The following SDR42E2 variants were observed in gnomAD, a reference collection of about 807,000 sequenced individuals.
SDR42E2 encodes the protein putative short-chain dehydrogenase/reductase family 42E member 2.
A neutral mutation model predicts 10.5 loss-of-function variants in SDR42E2; 20 were observed. The observed-to-expected ratio is 1.90, with a 90% CI of 1.34 to 2.77. The LOEUF (loss-of-function observed/expected upper bound fraction) is 2.77, where lower values mean the gene tolerates loss of function less well. Among genes scored for constraint, SDR42E2 ranks in the 30% most tolerant of loss-of-function variants. The pLI is 0.00. For synonymous variants in SDR42E2, 72 were observed against 39.2 expected, an observed-to-expected ratio of 1.84 and a Z score of -3.12; for missense variants, 162 against 104.2, an observed-to-expected ratio of 1.55 and a Z score of -2.42.
At chr16:22,163,120 C>G (rs531511249) in intron 1 of SDR42E2, among the ~76,000 whole-genome samples, 2 of 152,122 alleles carry the variant, frequency 1.3e-5, no homozygotes, top group Non-Finnish European at 2.9e-5. Context: ...GCCAGAGCAG[C>G]CAGAAATATT....
In SDR42E2 at chr16:22,190,567, C is replaced by T. The variant is rs2142086505; in HGVS notation, c.*174C>T. 1 of 397,714 alleles carries T rather than the reference C, an allele frequency of 2.5e-6. No individual in the cohort carries two copies. Among genetic ancestry groups the T allele is most frequent in the Non-Finnish European group, 4.4e-6 (1 of 225,708 alleles). 24.6% of individuals were successfully genotyped at this position (397,714 alleles called of 1,614,324 possible). On this transcript the variant is annotated 3_prime_UTR_variant, in exon 13 of 13. Transcript: ENST00000602312. ...GCTCTCCAGACCTAGCCCGGACCGC[C>T]GACTTCTGGCCACGCCCCTATCTAC... is the stretch of plus-strand genomic sequence containing the variant.
chr16:22,189,152 G>A (rs1289107896), intron 12 of SDR42E2, among the ~76,000 whole-genome samples: 3 of 152,154 alleles, frequency 2.0e-5, no homozygotes, highest in Non-Finnish European at 4.4e-5. Context: ...AGGAAAAAAA[G>A]GGACAAATAC....
rs999560275 is a variant in SDR42E2 at position 22,170,923 on chromosome 16, A to G, written c.485A>G (p.Asp162Gly). 1.9e-5 allele frequency: 13 copies of G among 702,642 alleles called. No homozygotes were observed. The highest frequency in any genetic ancestry group is 4.0e-5 in the Admixed American group (2 of 49,974). 43.5% of individuals were successfully genotyped at this position (702,642 alleles called of 1,614,324 possible). A position where few individuals can be genotyped will look rare whatever the true frequency, so the allele number is the denominator to read the frequency against. Residue 162 changes from aspartate to glycine, a missense_variant, in exon 6 of 13, where the codon GAC (aspartate) becomes GGC (glycine). Coordinates refer to ENST00000602312, the MANE Select transcript of SDR42E2 (RefSeq NM_001394319.2). ...GGKPIEQGDE[D>G]SVPYFPLDEH... ...AAGCCCATAGAGCAGGGCGATGAGGACTCTGTGCCATATTTCCCATTGGAC... is the reference window on the plus strand; with the variant it reads ...AAGCCCATAGAGCAGGGCGATGAGGGCTCTGTGCCATATTTCCCATTGGAC...
intron 7 of SDR42E2, among the ~76,000 whole-genome samples, chr16:22,173,903 G>GTATATATATATA (rs146432754): frequency 0.016 from 1,854 of 112,370 alleles, 40 homozygotes; most frequent in East Asian, 0.052. Context: ...ATATGTGTGT[G>GTATATATATATA]TGTATATATA....
At position 22,190,648 on chromosome 16, in the gene SDR42E2, C is replaced by T. The variant is rs927689971; in HGVS notation, c.*255C>T. On this transcript the variant is annotated 3_prime_UTR_variant, in exon 13 of 13. Coordinates refer to ENST00000602312, the MANE Select transcript of SDR42E2 (RefSeq NM_001394319.2). ...TTTTGGCCCCGCCCCTGTCCTGTCC[C>T]GCCCCGCCCTCCGAAGTGGGCACGC... 5 of 374,522 alleles carry T rather than the reference C, an allele frequency of 1.3e-5. No individual in the cohort carries two copies. The highest frequency in any genetic ancestry group is 1.0e-4 in the African/African-American group (5 of 47,704). 23.2% of individuals were successfully genotyped at this position (374,522 alleles called of 1,614,324 possible).
At chr16:22,189,975 A>C (rs762013163) in intron 12 of SDR42E2, among the ~76,000 whole-genome samples, 164 bp from the exon 13 acceptor site, 1 of 152,200 alleles carries the variant, frequency 6.6e-6, no homozygotes, top group Non-Finnish European at 1.5e-5. Context: ...AGACCTCTCT[A>C]ATGAGGGCAT....
At chr16:22,186,363 C>A (rs536449239) in intron 11 of SDR42E2, among the ~76,000 whole-genome samples, 3 of 152,116 alleles carry the variant, frequency 2.0e-5, no homozygotes, top group Non-Finnish European at 4.4e-5. Context: ...TGTGCCACCA[C>A]GCCCGGCTAA....
chr16:22,166,124 C>T (rs931221014), intron 2 of SDR42E2, 126 bp from the exon 3 acceptor site: 20 of 480,236 alleles, frequency 4.2e-5, no homozygotes, highest in African/African-American at 3.0e-4. Context: ...GTACCTGGGC[C>T]GGGAGCTGGA....
In SDR42E2 at chr16:22,190,377, C is replaced by T; in HGVS notation, c.1253C>T (p.Ala418Val). The T allele has an allele frequency of 2.5e-6, 1 of 402,418 alleles. No homozygotes were observed. Among genetic ancestry groups the T allele is most frequent in the Non-Finnish European group, 4.4e-6 (1 of 227,902 alleles). 24.9% of individuals were successfully genotyped at this position (402,418 alleles called of 1,614,324 possible). Residue 418 changes from alanine (A) to valine (V), a missense_variant, in exon 13 of 13, where the codon GCC becomes GTC. Transcript: ENST00000602312. Reference sequence around the variant, plus strand: ...CTAGGCCTGCAGCCTCTGCACGCCGCCGTGGAGCGCCTGTGACCGTCCGCC... The same window carrying T: ...CTAGGCCTGCAGCCTCTGCACGCCGTCGTGGAGCGCCTGTGACCGTCCGCC... ...HFLGLQPLHA[A>V]VERL
In SDR42E2 at chr16:22,166,354, G is replaced by C. The variant is rs2046539521; in HGVS notation, c.160G>C (p.Ala54Pro). 1 of 402,626 alleles carries C rather than the reference G, an allele frequency of 2.5e-6. No individual in the cohort carries two copies. 24.9% of individuals were successfully genotyped at this position (402,626 alleles called of 1,614,324 possible). ...YLGFSLGSHL[A>P]KSGTSVILLD... ...GGGCTTCAGCCTGGGATCCCACCTAGCCAAGAGCGGCACTTCCGTCATTCT... is the reference window on the plus strand; with the variant it reads ...GGGCTTCAGCCTGGGATCCCACCTACCCAAGAGCGGCACTTCCGTCATTCT... Residue 54 changes from alanine to proline, a missense_variant, in exon 3 of 13, where the codon GCC (alanine) becomes CCC (proline). Physicochemically the swap from Ala to Pro is conservative, Grantham distance 27. Coordinates refer to ENST00000602312, the MANE Select transcript of SDR42E2 (RefSeq NM_001394319.2).
At position 22,169,536 on chromosome 16, in the gene SDR42E2, CCTCTCCCCCT is replaced by C. The variant is rs1473757269; in HGVS notation, c.394+42_394+51del. On this transcript the variant is annotated intron_variant, in intron 5 of 12. Transcript: ENST00000602312. ...TCAGAGCCGGGTATGACCTGCTGTG[CCTCTCCCCCT>C]CTCTCCCTTCTCCTGCTGCAGGCCT... 3 of 703,128 alleles carry C rather than the reference CCTCTCCCCCT, an allele frequency of 4.3e-6. No homozygotes were observed. In the African/African-American group the frequency reaches 5.2e-5, roughly 12 times the overall value. 43.6% of individuals were successfully genotyped at this position (703,128 alleles called of 1,614,324 possible).
chr16:22,186,914 G>A (rs945761870), intron 12 of SDR42E2, 120 bp downstream of exon 12: 3 of 380,760 alleles, frequency 7.9e-6, no homozygotes, highest in Admixed American at 4.8e-5. Flanking sequence ...ACACATGCTT[G>A]TCTGAAGTCT....
Position 22,178,169 on chromosome 16 carries a change from G to A in SDR42E2, c.629G>A (p.Gly210Glu). Residue 210 changes from glycine to glutamate, a missense_variant, in exon 8 of 13, where the codon GGG (glycine) becomes GAG (glutamate). Physicochemically the swap from Gly to Glu is moderately conservative, Grantham distance 98. Coordinates refer to ENST00000602312, the MANE Select transcript of SDR42E2 (RefSeq NM_001394319.2). ...CGGACGTGTGTGCTCCGGCCTCCAG[G>A]GATCTACGGCCCTGAAGAGCAGAGG... ...TLRTCVLRPP[G>E]IYGPEEQRHL... 1 of 702,844 alleles carries A rather than the reference G, an allele frequency of 1.4e-6. No individual in the cohort carries two copies. The highest frequency in any genetic ancestry group is 2.6e-6 in the Non-Finnish European group (1 of 384,960). The allele number at this position is 702,844 out of a possible 1,614,324, so 43.5% of individuals were successfully genotyped here.
At chr16:22,182,187 G>A (rs550647440) in intron 9 of SDR42E2, 25 bp from the exon 10 acceptor site, 29 of 405,906 alleles carry the variant, frequency 7.1e-5, no homozygotes, top group South Asian at 1.2e-4. Context: ...AAGGCTGACC[G>A]TCCCCTCCCA....
chr16:22,189,924 C>T (rs1201466899), intron 12 of SDR42E2, among the ~76,000 whole-genome samples: 1 of 152,158 alleles, frequency 6.6e-6, no homozygotes, highest in Non-Finnish European at 1.5e-5. Context: ...GACGCAAAGG[C>T]GGCACCCTCC....
In SDR42E2 at chr16:22,190,950, CCCG is replaced by C. The variant is rs1225506644; in HGVS notation, c.*560_*562del. The C allele has an allele frequency of 6.6e-6, 1 of 152,586 alleles. No homozygotes were observed. The highest frequency in any genetic ancestry group is 6.6e-5 in the Admixed American group (1 of 15,200). 9.5% of individuals were successfully genotyped at this position (152,586 alleles called of 1,614,324 possible). A position where few individuals can be genotyped will look rare whatever the true frequency, so the allele number is the denominator to read the frequency against. ...TCCTGAGCCGCTCTCCAGGCCTAAC[CCCG>C]CCTTCATGTCATAGCCACGCCCCTT... On this transcript the variant is annotated 3_prime_UTR_variant, in exon 13 of 13. Transcript: ENST00000602312.
rs188122304 is a variant in SDR42E2 at position 22,170,092 on chromosome 16, C to T, written c.394+590C>T. ...AAATAAGTCTGGGCGAGGTGGCTCA[C>T]GCCTGTAATCCCAGCACTTTGGGAG... On this transcript the variant is annotated intron_variant, in intron 5 of 12. Transcript: ENST00000602312. Among the ~76,000 whole-genome samples, 355 of 150,022 alleles carry T rather than the reference C, an allele frequency of 2.4e-3. 11 individuals carry two copies. The highest frequency in any genetic ancestry group is 0.022 in the Admixed American group (327 of 15,006).
chr16:22,164,757 G>A (rs1161708494), intron 1 of SDR42E2, among the ~76,000 whole-genome samples: 1 of 152,148 alleles, frequency 6.6e-6, no homozygotes, highest in Non-Finnish European at 1.5e-5. Context: ...CCAGGGTGCA[G>A]AGTCCTTTTG....
rs1406714054 is a variant in SDR42E2, at chr16:22,190,685, C to CGAAT, written c.*292_*293insGAAT. The CGAAT allele has an allele frequency of 2.8e-6, 1 of 354,060 alleles. No individual in the cohort carries two copies. Among genetic ancestry groups the CGAAT allele is most frequent in the Non-Finnish European group, 5.1e-6 (1 of 197,428 alleles). The allele number at this position is 354,060 out of a possible 1,614,324, so 21.9% of individuals were successfully genotyped here. A position where few individuals can be genotyped will look rare whatever the true frequency, so the allele number is the denominator to read the frequency against. ...CGAAGTGGGCACGCTCCTGCTCCGC[C>CGAAT]CCCTGAATCCTGGCCACGTCCCTGG... is the stretch of plus-strand genomic sequence containing the variant. On this transcript the variant is annotated 3_prime_UTR_variant, in exon 13 of 13. Coordinates refer to ENST00000602312, the MANE Select transcript of SDR42E2 (RefSeq NM_001394319.2).
Sources: allele counts gnomAD v4.1 joint callset (sites outside exome capture counted in the v4.1 genomes callset), GRCh38; gene constraint gnomAD v4.1.1; transcripts MANE v1.5; gene names NCBI Gene and HGNC (gene_info 2026-07-23, HGNC 2026-07-21).